The following GCNT4 variants were observed in gnomAD, a reference collection of about 807,000 sequenced individuals.
GCNT4 encodes the protein glucosaminyl (N-acetyl) transferase 4.
GCNT4 carries 17 observed loss-of-function variants against 31.3 expected under a neutral mutation model. The ratio of observed to expected loss-of-function variants is 0.54; its 90% confidence interval spans 0.37 to 0.81. GCNT4 has a LOEUF of 0.81. Among genes scored for constraint, GCNT4 ranks in the 40% least tolerant of loss-of-function variants. The pLI is 0.00. For missense variants in GCNT4, 503 were observed against 525.5 expected (o/e 0.96, Z 0.42); for synonymous variants, 158 against 190.6 (o/e 0.83, Z 1.41).
At chr5:75,039,373 C>A (rs1743269903) in intron 3 of GCNT4, among the ~76,000 whole-genome samples, 1 of 152,150 alleles carries the variant, frequency 6.6e-6, no homozygotes, top group African/African-American at 2.4e-5. Context: ...GGATTACAGG[C>A]GTGAGCCACT....
intron 3 of GCNT4, among the ~76,000 whole-genome samples, chr5:75,042,557 C>G (rs1347948309): frequency 2.6e-5 from 4 of 152,286 alleles, no homozygotes; most frequent in Non-Finnish European, 5.9e-5. Context: ...AGAGGCAGCA[C>G]AGGGATAAAC....
intron 3 of GCNT4, among the ~76,000 whole-genome samples, chr5:75,035,976 T>C (rs1479669531): frequency 6.6e-6 from 1 of 152,230 alleles, no homozygotes; most frequent in Non-Finnish European, 1.5e-5. Context: ...ATTAATTTTA[T>C]GTATATTCAT....
intron 3 of GCNT4, among the ~76,000 whole-genome samples, chr5:75,033,134 G>GTT (rs1333395638): frequency 6.6e-6 from 1 of 152,170 alleles, no homozygotes; most frequent in Non-Finnish European, 1.5e-5. Context: ...GTCTCCCAGA[G>GTT]TTGTCATGTC....
At position 75,029,070 on chromosome 5, in the gene GCNT4, T is replaced by C. The variant is rs1047160305; in HGVS notation, c.968A>G (p.Asp323Gly). ...KYIFNNSIVQ[D>G]FFAWSKDTYS... is the part of the protein sequence containing the mutation. ...TGTGTCTTTAGACCAGGCAAAAAAG[T>C]CTTGAACGATGGAGTTGTTGAAAAT... The change falls in exon 4 of 4, where the codon GAC (aspartate) becomes GGC (glycine). Residue 323 changes from aspartate (D) to glycine (G), a missense_variant. Coordinates refer to ENST00000652361, the MANE Select transcript of GCNT4 (RefSeq NM_001366737.1). 6.2e-7 allele frequency: 1 copy of C among 1,614,094 alleles called. No homozygotes were observed. Among genetic ancestry groups the C allele is most frequent in the Middle Eastern group, 1.6e-4 (1 of 6,062 alleles).
chr5:75,050,728 C>A (rs1253333273), intron 2 of GCNT4, among the ~76,000 whole-genome samples: 1 of 134,360 alleles, frequency 7.4e-6, no homozygotes, highest in Non-Finnish European at 1.8e-5. Flanking sequence ...ACACCCTACA[C>A]AAAACTCATC....
At chr5:75,051,520 C>T (rs1743568134) in intron 2 of GCNT4, among the ~76,000 whole-genome samples, 1 of 152,186 alleles carries the variant, frequency 6.6e-6, no homozygotes, top group African/African-American at 2.4e-5. Context: ...GTCATGCTCC[C>T]AGCACCCGTG....
chr5:75,046,674 ACCAGAAAAC>A (rs751076115), intron 3 of GCNT4, among the ~76,000 whole-genome samples: 5 of 152,170 alleles, frequency 3.3e-5, no homozygotes, highest in East Asian at 1.9e-4. Flanking sequence ...TAGATTAGAA[ACCAGAAAAC>A]CCAGAAAACC....
chr5:75,053,682 G>C (rs1743642589), upstream of GCNT4, among the ~76,000 whole-genome samples: 1 of 152,052 alleles, frequency 6.6e-6, no homozygotes, highest in South Asian at 2.1e-4. Context: ...CCCGGGGTGG[G>C]AGAGCGCTGA....
chr5:75,029,636 G>C lies in GCNT4; in HGVS notation c.402C>G (p.Ala134=), dbSNP rs985399222. The C allele has an allele frequency of 3.1e-6, 5 of 1,613,972 alleles. No homozygotes were observed. The African/African-American group carries it at 6.7e-5, about 22-fold the overall frequency. ...CATCTTTGTGGACAACCAAAGAATA[G>C]GCTATTGGGAAGCTTTTCTCCTCCT... ...VSKEEKSFPI[A]YSLVVHKDAI... is the part of the protein sequence containing the mutation. The change falls in exon 4 of 4, where the codon GCC becomes GCG. Residue 134 remains alanine, a synonymous_variant. Coordinates refer to ENST00000652361, the MANE Select transcript of GCNT4 (RefSeq NM_001366737.1).
At chr5:75,034,789 A>G (rs993413449) in intron 3 of GCNT4, among the ~76,000 whole-genome samples, 9 of 152,238 alleles carry the variant, frequency 5.9e-5, no homozygotes, top group Admixed American at 2.6e-4. Flanking sequence ...ACTCCTCACT[A>G]AAGTCCCAAT....
At chr5:75,031,362 A>G (rs1743058402) in intron 3 of GCNT4, among the ~76,000 whole-genome samples, 1 of 152,048 alleles carries the variant, frequency 6.6e-6, no homozygotes, top group African/African-American at 2.4e-5. Flanking sequence ...ATGAGCCACC[A>G]CCCTCAGCCT....
chr5:75,040,300 A>T (rs1033012546), intron 3 of GCNT4, among the ~76,000 whole-genome samples: 2 of 151,396 alleles, frequency 1.3e-5, no homozygotes, highest in Non-Finnish European at 2.9e-5. Context: ...TCTCTCTCCT[A>T]TCACACTCCT....
intron 3 of GCNT4, among the ~76,000 whole-genome samples, chr5:75,037,319 C>G (rs1743219568): frequency 6.6e-6 from 1 of 152,120 alleles, no homozygotes. Context: ...CACAGCACTC[C>G]AGGAGTCATG....
rs1317320245 is a variant in GCNT4, at chr5:75,028,693, G to A, written c.1345C>T (p.Leu449Phe). 6.2e-7 allele frequency: 1 copy of A among 1,611,962 alleles called. No individual in the cohort carries two copies. Among genetic ancestry groups the A allele is most frequent in the Admixed American group, 1.7e-5 (1 of 59,766 alleles). Residue 449 changes from leucine to phenylalanine, a missense_variant, in exon 4 of 4, where the codon CTC (leucine) becomes TTC (phenylalanine). Leu to Phe is a conservative substitution (Grantham distance 22). Transcript: ENST00000652361. ...PSEKLFMDRN[L>F]TTTS is the part of the protein sequence containing the mutation. Reference sequence around the variant, plus strand: ...TTTTACTATCATGATGTGGTAGTGAGATTTCTATCCATAAATAACTTTTCT... The same window carrying A: ...TTTTACTATCATGATGTGGTAGTGAAATTTCTATCCATAAATAACTTTTCT...
intron 3 of GCNT4, among the ~76,000 whole-genome samples, chr5:75,033,133 A>G (rs1213108635): frequency 2.0e-5 from 3 of 152,224 alleles, no homozygotes; most frequent in Non-Finnish European, 4.4e-5. Flanking sequence ...AGTCTCCCAG[A>G]GTTGTCATGT....
chr5:75,029,583 G>T lies in GCNT4; in HGVS notation c.455C>A (p.Ala152Asp). ...GTAAATATTGTGCTGGTTGTATATA[G>T]CATGGATAAGCCTTTCAACCATAAT... ...DAIMVERLIHAIYNQHNIYCI... is the reference protein window; with the variant it reads ...DAIMVERLIHDIYNQHNIYCI... Residue 152 changes from alanine (A) to aspartate (D), a missense_variant, in exon 4 of 4, where the codon GCT becomes GAT. Transcript: ENST00000652361. The T allele has an allele frequency of 6.2e-7, 1 of 1,614,138 alleles. No individual in the cohort carries two copies. Among genetic ancestry groups the T allele is most frequent in the East Asian group, 2.2e-5 (1 of 44,882 alleles).
At chr5:75,036,686 G>A (rs1381332881) in intron 3 of GCNT4, among the ~76,000 whole-genome samples, 1 of 152,174 alleles carries the variant, frequency 6.6e-6, no homozygotes, top group East Asian at 1.9e-4. Flanking sequence ...TGCTGGGTGA[G>A]GAATCACATT....
At chr5:75,045,867 C>T (rs1190196467) in intron 3 of GCNT4, among the ~76,000 whole-genome samples, 5 of 152,170 alleles carry the variant, frequency 3.3e-5, no homozygotes, top group South Asian at 4.2e-4. Flanking sequence ...TATTTTGTCA[C>T]ATTTGAATTT....
chr5:75,017,013 A>G, the GCNT4 span, among the ~76,000 whole-genome samples: 1 of 152,354 alleles, frequency 6.6e-6, no homozygotes, highest in Admixed American at 6.5e-5. Context: ...AGCAGTAACA[A>G]TTAATCTCTG....
Sources: gnomAD v4.1 joint callset for allele counts (sites outside exome capture counted in the v4.1 genomes callset) on GRCh38, gnomAD v4.1.1 for gene constraint, MANE v1.5 for transcripts, NCBI Gene and HGNC (gene_info 2026-07-23, HGNC 2026-07-21) for gene names.